THSD7B: variants seen among roughly 807,000 people sequenced by gnomAD.
The protein encoded by THSD7B is thrombospondin type-1 domain-containing protein 7B.
A neutral mutation model predicts 213.6 loss-of-function variants in THSD7B; 138 were observed. The observed-to-expected ratio is 0.65, with a 90% CI of 0.56 to 0.74. THSD7B has a LOEUF of 0.74. Among genes scored for constraint, THSD7B ranks in the 30% least tolerant of loss-of-function variants. The pLI, the probability that THSD7B is intolerant of heterozygous loss-of-function variation, is 0.00. For synonymous variants in THSD7B, 742 were observed against 687.0 expected (o/e 1.08, Z -1.25); for missense variants, 1,931 against 1,991.5 (o/e 0.97, Z 0.58).
intron 2 of THSD7B, among the ~76,000 whole-genome samples, chr2:136,987,790 A>T (rs1685695931): frequency 6.6e-6 from 1 of 152,222 alleles, no homozygotes; most frequent in Non-Finnish European, 1.5e-5. Context: ...CCATTTGACA[A>T]AAAGGATGAA....
chr2:137,393,248 G>A (rs1407328818), intron 12 of THSD7B, among the ~76,000 whole-genome samples: 1 of 150,486 alleles, frequency 6.6e-6, no homozygotes, highest in Non-Finnish European at 1.5e-5. Flanking sequence ...CCATGCTGGT[G>A]CACTGCACCC....
chr2:137,095,881 G>T (rs1227792173), intron 4 of THSD7B, among the ~76,000 whole-genome samples: 3 of 151,906 alleles, frequency 2.0e-5, no homozygotes, highest in African/African-American at 7.3e-5. Context: ...TTTTTATTTT[G>T]TATAGAGATG....
chr2:136,942,748 G>C (rs1684850116), intron 2 of THSD7B, among the ~76,000 whole-genome samples: 1 of 152,176 alleles, frequency 6.6e-6, no homozygotes. Context: ...AGGGGATTTT[G>C]GGCTGAGACG....
intron 17 of THSD7B, among the ~76,000 whole-genome samples, chr2:137,599,855 T>A (rs1682043440): frequency 6.6e-6 from 1 of 152,070 alleles, no homozygotes; most frequent in Non-Finnish European, 1.5e-5. Flanking sequence ...GCATATGGAG[T>A]GACTTTCCAC....
chr2:137,403,489 C>T lies in THSD7B; in HGVS notation c.2501-2124C>T, dbSNP rs184173878. 6.9e-4 allele frequency among the ~76,000 whole-genome samples: 105 copies of T among 152,242 alleles called. 1 individual carries two copies. The highest frequency in any genetic ancestry group is 2.8e-3 in the Admixed American group (43 of 15,300). ...TGGTCTTTTTGTTCCTTTCACATAGCAGATTTTAAAGAACTGTAAAAAAGT... is the reference window on the plus strand; with the variant it reads ...TGGTCTTTTTGTTCCTTTCACATAGTAGATTTTAAAGAACTGTAAAAAAGT... On this transcript the variant is annotated intron_variant, in intron 12 of 27. Coordinates refer to ENST00000409968, the MANE Select transcript of THSD7B (RefSeq NM_001316349.2).
At chr2:137,147,919 C>T (rs955769972) in intron 5 of THSD7B, among the ~76,000 whole-genome samples, 1 of 152,108 alleles carries the variant, frequency 6.6e-6, no homozygotes, top group Admixed American at 6.5e-5. Context: ...GCCTTACTGA[C>T]ATTTTACTGT....
chr2:136,839,461 TAATAATAA>T (rs1415027369), intron 1 of THSD7B, among the ~76,000 whole-genome samples: 1 of 152,202 alleles, frequency 6.6e-6, no homozygotes, highest in African/African-American at 2.4e-5. Context: ...TTTGTAGTAA[TAATAATAA>T]AATCTCAGAA....
chr2:136,874,761 G>A (rs1043760255), intron 1 of THSD7B, among the ~76,000 whole-genome samples: 1 of 152,050 alleles, frequency 6.6e-6, no homozygotes, highest in South Asian at 2.1e-4. Context: ...CATCAGTTTA[G>A]AGCTAACCTT....
chr2:137,584,730 C>T (rs1023629632), intron 17 of THSD7B, among the ~76,000 whole-genome samples: 1 of 152,110 alleles, frequency 6.6e-6, no homozygotes. Context: ...CTGCTGGATT[C>T]GGTTTGCAAG....
chr2:136,993,139 G>A (rs900128090), intron 2 of THSD7B, among the ~76,000 whole-genome samples: 2 of 152,202 alleles, frequency 1.3e-5, no homozygotes, highest in Non-Finnish European at 2.9e-5. Flanking sequence ...AGGATTGTCA[G>A]TACTGGCCTT....
chr2:137,563,571 A>G (rs1681168225), intron 16 of THSD7B, among the ~76,000 whole-genome samples: 1 of 152,252 alleles, frequency 6.6e-6, no homozygotes, highest in African/African-American at 2.4e-5. Flanking sequence ...CCTTTAGCGT[A>G]TCCTGCAAAT....
intron 2 of THSD7B, among the ~76,000 whole-genome samples, chr2:137,040,105 C>T (rs1057394922): frequency 6.6e-6 from 1 of 152,134 alleles, no homozygotes; most frequent in Non-Finnish European, 1.5e-5. Flanking sequence ...TGAGCAATGC[C>T]CTGCATGGCT....
chr2:137,051,440 A>G (rs1226834481), intron 2 of THSD7B, among the ~76,000 whole-genome samples: 1 of 152,190 alleles, frequency 6.6e-6, no homozygotes, highest in Non-Finnish European at 1.5e-5. Context: ...TGTTATTTTA[A>G]TTATTCCGTA....
At chr2:136,956,338 G>A (rs1685123250) in intron 2 of THSD7B, among the ~76,000 whole-genome samples, 1 of 152,184 alleles carries the variant, frequency 6.6e-6, no homozygotes, top group Non-Finnish European at 1.5e-5. Flanking sequence ...AAAATGGAGA[G>A]CATGGTGGTG....
At chr2:137,294,583 C>CAAAA (rs1210363889) in intron 12 of THSD7B, among the ~76,000 whole-genome samples, 62 of 72,932 alleles carry the variant, frequency 8.5e-4, no homozygotes, top group Middle Eastern at 9.3e-3. Flanking sequence ...AACTCCATCT[C>CAAAA]AAAAAAAAAA....
intron 10 of THSD7B, among the ~76,000 whole-genome samples, chr2:137,251,761 T>C (rs1682181840): frequency 6.6e-6 from 1 of 152,146 alleles, no homozygotes; most frequent in South Asian, 2.1e-4. Flanking sequence ...GATTTTGAAG[T>C]TGGAACTGGG....
At position 137,272,658 on chromosome 2, in the gene THSD7B, T is replaced by C. The variant is rs1239089741; in HGVS notation, c.2392T>C (p.Tyr798His). The C allele has an allele frequency of 6.2e-7, 1 of 1,610,992 alleles. No homozygotes were observed. Among genetic ancestry groups the C allele is most frequent in the African/African-American group, 1.3e-5 (1 of 74,790 alleles). Residue 798 changes from tyrosine (Y) to histidine (H), a missense_variant, in exon 11 of 28, where the codon TAT (tyrosine) becomes CAT (histidine). Tyr to His is a moderately conservative substitution (Grantham distance 83, BLOSUM62 2). Coordinates refer to ENST00000409968, the MANE Select transcript of THSD7B (RefSeq NM_001316349.2). ...TGAAGATGTTTCCTTGTGTCCTGTA[T>C]ATCGGCAAGTAGTTACCTTTTAAAA... ...ECEDVSLCPV[Y>H]RWKPQKWSPC...
chr2:137,592,905 A>G (rs376897780), intron 17 of THSD7B, among the ~76,000 whole-genome samples: 6 of 151,996 alleles, frequency 3.9e-5, no homozygotes, highest in African/African-American at 1.4e-4. Context: ...TTTTACATCT[A>G]TTAGTTTTGC....
chr2:137,446,322 G>A (rs536996805), intron 14 of THSD7B, among the ~76,000 whole-genome samples: 64 of 152,096 alleles, frequency 4.2e-4, no homozygotes, highest in East Asian at 1.9e-4. Context: ...CACCTTATTC[G>A]GAGAACTGTG....
Sources: allele counts gnomAD v4.1 joint callset (sites outside exome capture counted in the v4.1 genomes callset), GRCh38; gene constraint gnomAD v4.1.1; transcripts MANE v1.5; gene names NCBI Gene and HGNC (gene_info 2026-07-23, HGNC 2026-07-21).